TRAPPC5: variants seen among roughly 807,000 people sequenced by gnomAD.
The protein encoded by TRAPPC5 is trafficking protein particle complex subunit 5, also known as trafficking protein particle complex 5.
A neutral mutation model predicts 9.8 loss-of-function variants in TRAPPC5; 5 were observed. The observed-to-expected ratio is 0.51, with a 90% CI of 0.27 to 1.07. TRAPPC5 has a LOEUF of 1.07. TRAPPC5 is among the 50% of genes least tolerant of loss of function. The pLI, the probability that TRAPPC5 is intolerant of heterozygous loss-of-function variation, is 0.12. For missense variants in TRAPPC5, 243 were observed against 291.5 expected, an observed-to-expected ratio of 0.83 and a Z score of 1.21; for synonymous variants, 146 against 140.7, an observed-to-expected ratio of 1.04 and a Z score of -0.26.
rs985101748 is a variant in TRAPPC5, at chr19:7,683,449, A to C, written c.*629A>C. On this transcript the variant is annotated 3_prime_UTR_variant, in exon 2 of 2. Coordinates refer to ENST00000596148, the MANE Select transcript of TRAPPC5 (RefSeq NM_001042462.2). Reference sequence around the variant, plus strand: ...TGGTCAGGCTGGTCTCGAACTCCTCATCTCAGGTGATCCGCCCACTTCAGC... The same window carrying C: ...TGGTCAGGCTGGTCTCGAACTCCTCCTCTCAGGTGATCCGCCCACTTCAGC... 1 of 152,278 alleles carries C rather than the reference A, an allele frequency of 6.6e-6. No individual in the cohort carries two copies. The highest frequency in any genetic ancestry group is 1.5e-5 in the Non-Finnish European group (1 of 68,332). The allele number at this position is 152,278 out of a possible 1,614,324, so 9.4% of individuals were successfully genotyped here.
chr19:7,682,644 C>T lies in TRAPPC5; in HGVS notation c.391C>T (p.Pro131Ser). ...EPLINTYISVPKENSTLNCAS... is the reference protein window; with the variant it reads ...EPLINTYISVSKENSTLNCAS... ...GCTCATCAACACCTACATCTCCGTG[C>T]CCAAGGAGAACAGCACGCTCAACTG... Residue 131 changes from proline to serine, a missense_variant, in exon 2 of 2, where the codon CCC becomes TCC. Transcript: ENST00000596148. The surrounding 1 kb of genome is among the most constrained non-coding windows in gnomAD (Gnocchi z 8.6). 4 of 1,613,824 alleles carry T rather than the reference C, an allele frequency of 2.5e-6. No individual in the cohort carries two copies. The highest frequency in any genetic ancestry group is 3.4e-6 in the Non-Finnish European group (4 of 1,179,984).
rs757355364 is a variant in TRAPPC5, at chr19:7,682,457, G to A, written c.204G>A (p.Ala68=). ...GRQVGARVLD[A]LVAREKGARR... is the part of the protein sequence containing the mutation. ...AGGTGGGCGCGCGCGTGCTGGATGC[G>A]CTGGTGGCGCGCGAAAAGGGTGCCC... Residue 68 remains alanine (A), a synonymous_variant, in exon 2 of 2, where the codon GCG becomes GCA. Transcript: ENST00000596148. This position sits in a 1 kb window ranked among gnomAD's most constrained non-coding sequence, Gnocchi z 8.6. 4.3e-5 allele frequency: 69 copies of A among 1,609,032 alleles called. No individual in the cohort carries two copies. The highest frequency in any genetic ancestry group is 5.4e-5 in the Non-Finnish European group (64 of 1,177,980).
rs1262158505 is a variant in TRAPPC5 at position 7,684,078 on chromosome 19, G to A, written c.*1258G>A. 1 of 152,228 alleles carries A rather than the reference G, an allele frequency of 6.6e-6. No individual in the cohort carries two copies. Among genetic ancestry groups the A allele is most frequent in the African/African-American group, 2.4e-5 (1 of 41,450 alleles). 9.4% of individuals were successfully genotyped at this position (152,228 alleles called of 1,614,324 possible). A position where few individuals can be genotyped will look rare whatever the true frequency, so the allele number is the denominator to read the frequency against. ...CCGTAAGTGCTGGGGTTACAGGCGTGAGCCAAATCAAAGTGTGTTCTGTAG... is the reference window on the plus strand; with the variant it reads ...CCGTAAGTGCTGGGGTTACAGGCGTAAGCCAAATCAAAGTGTGTTCTGTAG... On this transcript the variant is annotated 3_prime_UTR_variant, in exon 2 of 2. Coordinates refer to ENST00000596148, the MANE Select transcript of TRAPPC5 (RefSeq NM_001042462.2).
chr19:7,681,596 T>C lies in TRAPPC5; in HGVS notation c.-12-646T>C, dbSNP rs893276294. Among the ~76,000 whole-genome samples the C allele has an allele frequency of 6.6e-6, 1 of 151,868 alleles. No homozygotes were observed. Among genetic ancestry groups the C allele is most frequent in the African/African-American group, 2.4e-5 (1 of 41,314 alleles). ...CTGCCTGAGGGCTTGGGGTTGGGGG[T>C]TACCCGCCCCTCCTGCCTGGCCCCA... On this transcript the variant is annotated intron_variant, in intron 1 of 1. Coordinates refer to ENST00000596148, the MANE Select transcript of TRAPPC5 (RefSeq NM_001042462.2). The surrounding 1 kb of genome is among the most constrained non-coding windows in gnomAD (Gnocchi z 8.7).
chr19:7,684,102 A>G lies in TRAPPC5; in HGVS notation c.*1282A>G, dbSNP rs2032688026. Reference sequence around the variant, plus strand: ...TGAGCCAAATCAAAGTGTGTTCTGTAGATCAGCAGTAGCAGCATCAACTGG... The same window carrying G: ...TGAGCCAAATCAAAGTGTGTTCTGTGGATCAGCAGTAGCAGCATCAACTGG... On this transcript the variant is annotated 3_prime_UTR_variant, in exon 2 of 2. Coordinates refer to ENST00000596148, the MANE Select transcript of TRAPPC5 (RefSeq NM_001042462.2). 6.6e-6 allele frequency: 1 copy of G among 152,250 alleles called. No individual in the cohort carries two copies. Among genetic ancestry groups the G allele is most frequent in the Non-Finnish European group, 1.5e-5 (1 of 68,082 alleles). The allele number at this position is 152,250 out of a possible 1,614,324, so 9.4% of individuals were successfully genotyped here.
Position 7,682,391 on chromosome 19 carries a change from C to T in TRAPPC5, c.138C>T (p.Ser46=), listed in dbSNP as rs1209867870. The change falls in exon 2 of 2, where the codon TCC becomes TCT. Residue 46 remains serine (S), a synonymous_variant. Transcript: ENST00000596148. The surrounding 1 kb of genome is among the most constrained non-coding windows in gnomAD (Gnocchi z 8.6). ...AGCACTGCCAGAGCCGCGTCTTCTC[C>T]GTGGCCGAGCTGCAGTCGCGCCTGG... is the stretch of plus-strand genomic sequence containing the variant. The part of the protein sequence containing the change: ...LVQHCQSRVF[S]VAELQSRLAA... 1.3e-6 allele frequency: 2 copies of T among 1,575,202 alleles called. No individual in the cohort carries two copies. The highest frequency in any genetic ancestry group is 1.7e-6 in the Non-Finnish European group (2 of 1,161,048).
Position 7,685,540 on chromosome 19 carries a change from C to G in TRAPPC5, c.*2720C>G, listed in dbSNP as rs2032707154. 3.3e-5 allele frequency: 5 copies of G among 152,330 alleles called. No homozygotes were observed. The South Asian group carries it at 1.0e-3, about 32-fold the overall frequency. 9.4% of individuals were successfully genotyped at this position (152,330 alleles called of 1,614,324 possible). A position where few individuals can be genotyped will look rare whatever the true frequency, so the allele number is the denominator to read the frequency against. On this transcript the variant is annotated 3_prime_UTR_variant, in exon 2 of 2. Coordinates refer to ENST00000596148, the MANE Select transcript of TRAPPC5 (RefSeq NM_001042462.2). ...AGGGCCAAAGGGGTCGGTGTCACCT[C>G]TAGATTTGTTTAGGATGCTCTGTTG...
In TRAPPC5 at chr19:7,684,536, A is replaced by G. The variant is rs1271055278; in HGVS notation, c.*1716A>G. The stretch of plus-strand genomic sequence containing the variant: ...CACTCCAGCCTGGGCAACAAGAGCG[A>G]AACTCCATCTAAAAAACAAAAAGGT... On this transcript the variant is annotated 3_prime_UTR_variant, in exon 2 of 2. Transcript: ENST00000596148. The G allele has an allele frequency of 1.3e-5, 2 of 151,604 alleles. No individual in the cohort carries two copies. The highest frequency in any genetic ancestry group is 2.9e-5 in the Non-Finnish European group (2 of 68,160). The allele number at this position is 151,604 out of a possible 1,614,324, so 9.4% of individuals were successfully genotyped here.
In TRAPPC5 at chr19:7,681,020, G is replaced by C. The variant is rs974245571; in HGVS notation, c.-13+142G>C. The C allele has an allele frequency of 6.6e-6, 1 of 152,106 alleles. No homozygotes were observed. 9.4% of individuals were successfully genotyped at this position (152,106 alleles called of 1,614,324 possible). A position where few individuals can be genotyped will look rare whatever the true frequency, so the allele number is the denominator to read the frequency against. ...GCTTCGGCCCCCCTCAGGAGGCTGC[G>C]AGGAGGGTGGGTTTCTCCCCAGTGT... On this transcript the variant is annotated intron_variant, in intron 1 of 1. Transcript: ENST00000596148. This position sits in a 1 kb window ranked among gnomAD's most constrained non-coding sequence, Gnocchi z 8.7.
In TRAPPC5 at chr19:7,682,865, T is replaced by C. The variant is rs199502714; in HGVS notation, c.*45T>C. ...TACAGAGAGCCCCTCCCCACGTGTGTCTTGTGTCTTGTGTGGCGGCCTTAG... is the reference window on the plus strand; with the variant it reads ...TACAGAGAGCCCCTCCCCACGTGTGCCTTGTGTCTTGTGTGGCGGCCTTAG... On this transcript the variant is annotated 3_prime_UTR_variant, in exon 2 of 2. Coordinates refer to ENST00000596148, the MANE Select transcript of TRAPPC5 (RefSeq NM_001042462.2). The surrounding 1 kb of genome is among the most constrained non-coding windows in gnomAD (Gnocchi z 8.6). 2.8e-4 allele frequency: 414 copies of C among 1,501,880 alleles called. No individual in the cohort carries two copies. In the Middle Eastern group the frequency reaches 4.9e-3, roughly 18 times the overall value. The allele number at this position is 1,501,880 out of a possible 1,614,324, so 93.0% of individuals were successfully genotyped here. A position where few individuals can be genotyped will look rare whatever the true frequency, so the allele number is the denominator to read the frequency against.
At position 7,682,328 on chromosome 19, in the gene TRAPPC5, C is replaced by A. The variant is rs2032652261; in HGVS notation, c.75C>A (p.Ser25Arg). Residue 25 changes from serine to arginine, a missense_variant, in exon 2 of 2, where the codon AGC becomes AGA. Physicochemically the swap from Ser to Arg is moderately radical, Grantham distance 110 (BLOSUM62 -1). Coordinates refer to ENST00000596148, the MANE Select transcript of TRAPPC5 (RefSeq NM_001042462.2). The surrounding 1 kb of genome is among the most constrained non-coding windows in gnomAD (Gnocchi z 8.6). Reference sequence around the variant, plus strand: ...TGGCGCGGCCGCGCACCGAGGTGAGCCTGAGCGCCTTCGCACTGCTGTTCT... The same window carrying A: ...TGGCGCGGCCGCGCACCGAGGTGAGACTGAGCGCCTTCGCACTGCTGTTCT... ...RALARPRTEV[S>R]LSAFALLFSE... is the part of the protein sequence containing the mutation. 1.3e-6 allele frequency: 2 copies of A among 1,541,422 alleles called. No individual in the cohort carries two copies. Among genetic ancestry groups the A allele is most frequent in the Non-Finnish European group, 1.7e-6 (2 of 1,147,802 alleles).
chr19:7,683,969 A>G lies in TRAPPC5; in HGVS notation c.*1149A>G, dbSNP rs1039892281. On this transcript the variant is annotated 3_prime_UTR_variant, in exon 2 of 2. Coordinates refer to ENST00000596148, the MANE Select transcript of TRAPPC5 (RefSeq NM_001042462.2). ...GCCATGCCCAGCTAATTTTTAAAAA[A>G]TTTTTGTAGAGATGGGGGCTCTTAT... The G allele has an allele frequency of 6.6e-6, 1 of 152,072 alleles. No individual in the cohort carries two copies. Among genetic ancestry groups the G allele is most frequent in the Middle Eastern group, 3.2e-3 (1 of 316 alleles). The allele number at this position is 152,072 out of a possible 1,614,324, so 9.4% of individuals were successfully genotyped here.
In TRAPPC5 at chr19:7,686,426, C is replaced by T. The variant is rs1357735801; in HGVS notation, c.*3606C>T. On this transcript the variant is annotated 3_prime_UTR_variant, in exon 2 of 2. Transcript: ENST00000596148. ...GAAGAGGAGGAGGAGGAGCCAGGCA[C>T]CAGCCCTTGGTGAGCTGGGCAAGCA... 6.6e-6 allele frequency: 1 copy of T among 152,640 alleles called. No individual in the cohort carries two copies. Among genetic ancestry groups the T allele is most frequent in the South Asian group, 2.1e-4 (1 of 4,840 alleles). 9.5% of individuals were successfully genotyped at this position (152,640 alleles called of 1,614,324 possible). A position where few individuals can be genotyped will look rare whatever the true frequency, so the allele number is the denominator to read the frequency against.
At position 7,686,904 on chromosome 19, in the gene TRAPPC5, C is replaced by T. The variant is rs2032725528; in HGVS notation, c.*4084C>T. 6.6e-6 allele frequency: 1 copy of T among 152,150 alleles called. No individual in the cohort carries two copies. The allele number at this position is 152,150 out of a possible 1,614,324, so 9.4% of individuals were successfully genotyped here. The stretch of plus-strand genomic sequence containing the variant: ...GCACAATCCTCCCACCTCGGCCTCC[C>T]AAGCAGCTGGGACCAAGTTGCCCAT... On this transcript the variant is annotated 3_prime_UTR_variant, in exon 2 of 2. Coordinates refer to ENST00000596148, the MANE Select transcript of TRAPPC5 (RefSeq NM_001042462.2).
In TRAPPC5 at chr19:7,682,396, C is replaced by T. The variant is rs1343342509; in HGVS notation, c.143C>T (p.Ala48Val). ...QHCQSRVFSV[A>V]ELQSRLAALG... Reference sequence around the variant, plus strand: ...TGCCAGAGCCGCGTCTTCTCCGTGGCCGAGCTGCAGTCGCGCCTGGCCGCG... The same window carrying T: ...TGCCAGAGCCGCGTCTTCTCCGTGGTCGAGCTGCAGTCGCGCCTGGCCGCG... Residue 48 changes from alanine to valine, a missense_variant, in exon 2 of 2, where the codon GCC becomes GTC. Around this residue, in one of 2 missense-constraint regions of TRAPPC5, gnomAD observed 154 missense variants for 215.8 expected, o/e 0.71. Transcript: ENST00000596148. This position sits in a 1 kb window ranked among gnomAD's most constrained non-coding sequence, Gnocchi z 8.6. The T allele has an allele frequency of 6.3e-7, 1 of 1,578,470 alleles. No homozygotes were observed. The highest frequency in any genetic ancestry group is 2.3e-5 in the East Asian group (1 of 42,978).
rs1417723204 is a variant in TRAPPC5 at position 7,687,361 on chromosome 19, G to A, written c.*4541G>A. 6.6e-6 allele frequency: 1 copy of A among 152,438 alleles called. No homozygotes were observed. The highest frequency in any genetic ancestry group is 1.5e-5 in the Non-Finnish European group (1 of 68,278). The allele number at this position is 152,438 out of a possible 1,614,324, so 9.4% of individuals were successfully genotyped here. On this transcript the variant is annotated 3_prime_UTR_variant, in exon 2 of 2. Transcript: ENST00000596148. Reference sequence around the variant, plus strand: ...CCTGTGCTCCTGGCCTCCCTCCCGTGGCCTCCGGCATGGGTCGACCTTGGC... The same window carrying A: ...CCTGTGCTCCTGGCCTCCCTCCCGTAGCCTCCGGCATGGGTCGACCTTGGC...
Position 7,685,927 on chromosome 19 carries a change from G to A in TRAPPC5, c.*3107G>A, listed in dbSNP as rs188977118. On this transcript the variant is annotated 3_prime_UTR_variant, in exon 2 of 2. Transcript: ENST00000596148. ...GAAACCACAGTCCTGGATGGGGGAC[G>A]GAGGGAGGGGAACATGGTGTCTGAG... 5.7e-3 allele frequency: 864 copies of A among 152,602 alleles called. 7 individuals carry two copies. The highest frequency in any genetic ancestry group is 0.01 in the Non-Finnish European group (702 of 68,304). The allele number at this position is 152,602 out of a possible 1,614,324, so 9.5% of individuals were successfully genotyped here.
At position 7,685,011 on chromosome 19, in the gene TRAPPC5, C is replaced by G. The variant is rs1046140731; in HGVS notation, c.*2191C>G. 1 of 152,114 alleles carries G rather than the reference C, an allele frequency of 6.6e-6. No homozygotes were observed. Among genetic ancestry groups the G allele is most frequent in the Non-Finnish European group, 1.5e-5 (1 of 68,044 alleles). 9.4% of individuals were successfully genotyped at this position (152,114 alleles called of 1,614,324 possible). A position where few individuals can be genotyped will look rare whatever the true frequency, so the allele number is the denominator to read the frequency against. On this transcript the variant is annotated 3_prime_UTR_variant, in exon 2 of 2. Coordinates refer to ENST00000596148, the MANE Select transcript of TRAPPC5 (RefSeq NM_001042462.2). ...TAAGGCCAGGCGTGGCGACTTATGT[C>G]TGTAATCCCAGCACTTTGAGAGGCC...
At position 7,682,593 on chromosome 19, in the gene TRAPPC5, A is replaced by G; in HGVS notation, c.340A>G (p.Thr114Ala). 6 of 1,612,582 alleles carry G rather than the reference A, an allele frequency of 3.7e-6. No homozygotes were observed. The highest frequency in any genetic ancestry group is 5.1e-6 in the Non-Finnish European group (6 of 1,179,966). The change falls in exon 2 of 2, where the codon ACC (threonine) becomes GCC (alanine). Residue 114 changes from threonine (T) to alanine (A), a missense_variant. By Grantham distance (58) the Thr-to-Ala change is moderately conservative. This residue lies in a region of TRAPPC5 where 154 missense variants were observed against 215.8 expected (regional missense o/e 0.71). Transcript: ENST00000596148. This position sits in a 1 kb window ranked among gnomAD's most constrained non-coding sequence, Gnocchi z 8.6. ...KLEQANDDARTFYIIEREPLI... is the reference protein window; with the variant it reads ...KLEQANDDARAFYIIEREPLI... ...GGAGCAGGCCAACGATGACGCGCGC[A>G]CCTTCTACATCATCGAGCGCGAGCC...
Sources: gnomAD v4.1 joint callset for allele counts (sites outside exome capture counted in the v4.1 genomes callset) on GRCh38, gnomAD v4.1.1 for gene constraint, gnomAD v4.1.1 regional missense constraint, Gnocchi (gnomAD v3.1) non-coding constraint, MANE v1.5 for transcripts, NCBI Gene and HGNC (gene_info 2026-07-23, HGNC 2026-07-21) for gene names.